Variants in KDM4A observed in about 807,000 individuals in gnomAD.
KDM4A encodes lysine demethylase 4A, also known as lysine-specific demethylase 4A.
KDM4A carries 23 observed loss-of-function variants against 127.1 expected under a neutral mutation model. The observed-to-expected ratio is 0.18, with a 90% CI of 0.13 to 0.26. KDM4A has a LOEUF of 0.26. Among genes scored for constraint, KDM4A ranks in the 10% least tolerant of loss-of-function variants. The pLI is 1.00. For missense variants in KDM4A, 890 were observed against 1,329.1 expected (o/e 0.67, Z 5.14); for synonymous variants, 443 against 466.5 (o/e 0.95, Z 0.65).
intron 18 of KDM4A, among the ~76,000 whole-genome samples, chr1:43,696,728 T>C (rs1661248745): frequency 6.6e-6 from 1 of 152,206 alleles, no homozygotes; most frequent in Admixed American, 6.5e-5. Flanking sequence ...AGAATAGTTA[T>C]TTTGTGATAA....
rs181856911 is a variant in KDM4A, at chr1:43,672,517, C to T, written c.1734+642C>T. Among the ~76,000 whole-genome samples the T allele has an allele frequency of 5.2e-3, 672 of 129,454 alleles. 9 individuals are homozygous for T. The highest frequency in any genetic ancestry group is 0.018 in the African/African-American group (610 of 33,864). The allele number at this position is 129,454 out of a possible 152,430, so 84.9% of individuals were successfully genotyped here. On this transcript the variant is annotated intron_variant, in intron 11 of 21. Coordinates refer to ENST00000372396, the MANE Select transcript of KDM4A (RefSeq NM_014663.3). ...TTTTTTTTTCTTTTTTTTTTTGAGA[C>T]GGGGTCTCGCTCTGTTGCCCAGGCT...
intron 11 of KDM4A, among the ~76,000 whole-genome samples, chr1:43,672,220 T>C (rs912506084): frequency 6.6e-6 from 1 of 152,082 alleles, no homozygotes; most frequent in African/African-American, 2.4e-5. Context: ...ATAGAGTCTC[T>C]GCTCTGTTGC....
rs542952159 is a variant in KDM4A at position 43,688,668 on chromosome 1, A to G, written c.1856-246A>G. On this transcript the variant is annotated intron_variant, in intron 12 of 21. Coordinates refer to ENST00000372396, the MANE Select transcript of KDM4A (RefSeq NM_014663.3). The surrounding 1 kb of genome is among the most constrained non-coding windows in gnomAD (Gnocchi z 4.4). ...CTGAGCTCGTGGGGCAGGAGGAAGAATGGAGGCCATGAGTCAGTCTGGCCA... is the reference window on the plus strand; with the variant it reads ...CTGAGCTCGTGGGGCAGGAGGAAGAGTGGAGGCCATGAGTCAGTCTGGCCA... Among the ~76,000 whole-genome samples, 36 of 152,182 alleles carry G rather than the reference A, an allele frequency of 2.4e-4. No individual in the cohort carries two copies. The highest frequency in any genetic ancestry group is 7.0e-4 in the African/African-American group (29 of 41,516).
chr1:43,659,993 C>T (rs1391375247), intron 3 of KDM4A, among the ~76,000 whole-genome samples: 1 of 152,126 alleles, frequency 6.6e-6, no homozygotes, highest in East Asian at 1.9e-4. Context: ...CCCTGGGTGG[C>T]CACCTGAATC....
chr1:43,651,240 C>G (rs549702423), intron 1 of KDM4A, among the ~76,000 whole-genome samples: 1 of 152,304 alleles, frequency 6.6e-6, no homozygotes, highest in South Asian at 2.1e-4. Context: ...AAATAAACTT[C>G]GGGTTTCTCC....
At chr1:43,698,040 CAGTTTGGA>C in intron 19 of KDM4A, 27 bp downstream of exon 19, 1 of 1,604,888 alleles carries the variant, frequency 6.2e-7, no homozygotes, top group Admixed American at 1.7e-5. Context: ...GCTTCTCAGG[CAGTTTGGA>C]ATGGGGGGAT....
In KDM4A at chr1:43,688,870, T is replaced by A; in HGVS notation, c.1856-44T>A. ...TCTGTTCTCCAGGCAGAGCCACAGA[T>A]GTGCAGGGTTAGTGCTGACTCACAC... is the stretch of plus-strand genomic sequence containing the variant. On this transcript the variant is annotated intron_variant, in intron 12 of 21. Transcript: ENST00000372396. The surrounding 1 kb of genome is among the most constrained non-coding windows in gnomAD (Gnocchi z 4.4). The A allele has an allele frequency of 6.4e-7, 1 of 1,561,024 alleles. No homozygotes were observed. The highest frequency in any genetic ancestry group is 2.3e-5 in the East Asian group (1 of 44,428).
In KDM4A at chr1:43,704,218, ATTC is replaced by A. The variant is rs1557925080; in HGVS notation, c.3055-7_3055-5del. The A allele has an allele frequency of 2.5e-6, 4 of 1,613,966 alleles. No individual in the cohort carries two copies. Among genetic ancestry groups the A allele is most frequent in the East Asian group, 2.2e-5 (1 of 44,890 alleles). On this transcript the variant is annotated splice_polypyrimidine_tract_variant and intron_variant, in intron 21 of 21. Transcript: ENST00000372396. ...GGGGTAGCTGACACTTGGCTTGCTT[ATTC>A]TTCTATAGTCAGTAGCCTCAGACAT...
chr1:43,692,427 C>T (rs1181683564), intron 16 of KDM4A, 116 bp downstream of exon 16: 15 of 880,440 alleles, frequency 1.7e-5, no homozygotes, highest in South Asian at 3.1e-5. Context: ...GGAAGCACAT[C>T]GTGTGGAGCA....
chr1:43,677,635 TC>T (rs1660771809), intron 11 of KDM4A, among the ~76,000 whole-genome samples: 1 of 152,166 alleles, frequency 6.6e-6, no homozygotes, highest in Admixed American at 6.5e-5. Context: ...TCATTGATTG[TC>T]CAGTAAAGGG....
chr1:43,691,829 C>T (rs1321479288), intron 15 of KDM4A, among the ~76,000 whole-genome samples: 1 of 152,044 alleles, frequency 6.6e-6, no homozygotes, highest in South Asian at 2.1e-4. Context: ...ACAATAACTC[C>T]CTTAAAAGAA....
intron 19 of KDM4A, chr1:43,702,715 CT>C (rs1333644901): frequency 6.6e-6 from 1 of 152,072 alleles, no homozygotes; most frequent in African/African-American, 2.4e-5. Context: ...GTAGGTGACT[CT>C]TTTTCATCTT....
intron 11 of KDM4A, 89 bp from the exon 12 acceptor site, chr1:43,683,593 CCT>C (rs1287525902): frequency 7.0e-6 from 10 of 1,427,190 alleles, no homozygotes; most frequent in East Asian, 4.7e-5. Context: ...TCTCTGTGCC[CCT>C]CTCTTTCCTT....
In KDM4A at chr1:43,655,780, C is replaced by T. The variant is rs1468398236; in HGVS notation, c.314+14C>T. 1.9e-6 allele frequency: 3 copies of T among 1,597,106 alleles called. No individual in the cohort carries two copies. The highest frequency in any genetic ancestry group is 2.6e-6 in the Non-Finnish European group (3 of 1,169,258). On this transcript the variant is annotated intron_variant, in intron 3 of 21. Transcript: ENST00000372396. Reference sequence around the variant, plus strand: ...CAATAGCGATAAGTGAGTGGAAACCCTTTCTTACCTGACATAGCACCTAGG... The same window carrying T: ...CAATAGCGATAAGTGAGTGGAAACCTTTTCTTACCTGACATAGCACCTAGG...
intron 11 of KDM4A, among the ~76,000 whole-genome samples, chr1:43,680,392 C>T (rs899200273): frequency 6.6e-6 from 1 of 152,200 alleles, no homozygotes; most frequent in Non-Finnish European, 1.5e-5. Context: ...TCCCAAGCTG[C>T]ATTCTGGTGT....
At position 43,693,170 on chromosome 1, in the gene KDM4A, CTTATTTG is replaced by C. The variant is rs1171186347; in HGVS notation, c.2376-823_2376-817del. On this transcript the variant is annotated intron_variant, in intron 16 of 21. Transcript: ENST00000372396. The surrounding 1 kb of genome is among the most constrained non-coding windows in gnomAD (Gnocchi z 4.2). ...CAGGATAGTGCTGGGAACATTCTTT[CTTATTTG>C]GAGTGGAAATGGCTGTGCTTGAATC... 6.6e-6 allele frequency among the ~76,000 whole-genome samples: 1 copy of C among 152,168 alleles called. No individual in the cohort carries two copies. The highest frequency in any genetic ancestry group is 1.5e-5 in the Non-Finnish European group (1 of 68,038).
intron 3 of KDM4A, among the ~76,000 whole-genome samples, chr1:43,659,451 T>G (rs1660321115): frequency 6.6e-6 from 1 of 152,166 alleles, no homozygotes; most frequent in Non-Finnish European, 1.5e-5. Flanking sequence ...CCTAAATAGC[T>G]GGGATTACAG....
rs1407749489 is a variant in KDM4A at position 43,693,674 on chromosome 1, T to G, written c.2376-320T>G. On this transcript the variant is annotated intron_variant, in intron 16 of 21. Coordinates refer to ENST00000372396, the MANE Select transcript of KDM4A (RefSeq NM_014663.3). The surrounding 1 kb of genome is among the most constrained non-coding windows in gnomAD (Gnocchi z 4.2). ...AAGAGGTCTGCATAGAGCTTTCCAG[T>G]TTATTCTCACTCCCTGAGACCTGCC... Among the ~76,000 whole-genome samples, 1 of 152,194 alleles carries G rather than the reference T, an allele frequency of 6.6e-6. No individual in the cohort carries two copies. The highest frequency in any genetic ancestry group is 2.4e-5 in the African/African-American group (1 of 41,448).
rs1438914461 is a variant in KDM4A at position 43,694,740 on chromosome 1, G to C, written c.2516G>C (p.Arg839Thr). The change falls in exon 18 of 22, where the codon AGA becomes ACA. Residue 839 changes from arginine to threonine, a missense_variant. Physicochemically the swap from Arg to Thr is moderately conservative, Grantham distance 71. Around this residue, in one of 7 missense-constraint regions of KDM4A, gnomAD observed 246 missense variants for 418.4 expected, o/e 0.59. Coordinates refer to ENST00000372396, the MANE Select transcript of KDM4A (RefSeq NM_014663.3). The surrounding 1 kb of genome is among the most constrained non-coding windows in gnomAD (Gnocchi z 5.2). ...KCIFCKKRRKRTAGCCVQCSH... is the reference protein window; with the variant it reads ...KCIFCKKRRKTTAGCCVQCSH... ...ATCTTCTGTAAGAAGCGGAGGAAAAGAACTGCTGGCTGCTGTGTGCAGTGT... is the reference window on the plus strand; with the variant it reads ...ATCTTCTGTAAGAAGCGGAGGAAAACAACTGCTGGCTGCTGTGTGCAGTGT... 1.2e-6 allele frequency: 2 copies of C among 1,612,860 alleles called. No individual in the cohort carries two copies. The highest frequency in any genetic ancestry group is 1.7e-6 in the Non-Finnish European group (2 of 1,179,024).
Sources: allele counts gnomAD v4.1 joint callset (sites outside exome capture counted in the v4.1 genomes callset), GRCh38; gene constraint gnomAD v4.1.1; regional missense constraint gnomAD v4.1.1; non-coding constraint Gnocchi (gnomAD v3.1); transcripts MANE v1.5; gene names NCBI Gene and HGNC (gene_info 2026-07-23, HGNC 2026-07-21).